Variants in DMTN observed in about 807,000 individuals in gnomAD.
DMTN encodes the protein dematin actin binding protein.
DMTN carries 27 observed loss-of-function variants against 59.4 expected under a neutral mutation model. The observed-to-expected ratio is 0.45, with a 90% CI of 0.33 to 0.63. The LOEUF (loss-of-function observed/expected upper bound fraction) is 0.63, where lower values mean the gene tolerates loss of function less well. DMTN is among the 20% of genes least tolerant of loss of function. The pLI is 0.02. For missense variants in DMTN, 451 were observed against 528.9 expected (o/e 0.85, Z 1.45); for synonymous variants, 221 against 203.7 (o/e 1.08, Z -0.72).
In DMTN at chr8:22,069,431, A is replaced by T. The variant is rs1813444493; in HGVS notation, c.307A>T (p.Ser103Cys). 6.2e-7 allele frequency: 1 copy of T among 1,612,846 alleles called. No homozygotes were observed. ...PPPSPEVWAD[S>C]RSPGIISQAS... ...TTCTGCTCTGCAGGTGTGGGCGGAC[A>T]GCCGGTCGCCTGGAATCATCTCTCA... The change falls in exon 6 of 16, where the codon AGC becomes TGC. Residue 103 changes from serine (S) to cysteine (C), a missense_variant. Transcript: ENST00000358242.
chr8:22,073,936 C>G, intron 10 of DMTN, 101 bp downstream of exon 10: 1 of 908,460 alleles, frequency 1.1e-6, no homozygotes. Flanking sequence ...AATCCCTGAC[C>G]CAAAGCACGG....
chr8:22,068,748 GAGGA>G (rs201407828), intron 4 of DMTN, among the ~76,000 whole-genome samples: 1,757 of 151,368 alleles, frequency 0.012, 26 homozygotes, highest in African/African-American at 0.04. Flanking sequence ...GGGGAGGAGA[GAGGA>G]AGGAAGGAAG....
rs1471882638 is a variant in DMTN at position 22,060,430 on chromosome 8, C to T, written c.-172+3294C>T. Among the ~76,000 whole-genome samples the T allele has an allele frequency of 6.6e-6, 1 of 151,874 alleles. No homozygotes were observed. The highest frequency in any genetic ancestry group is 2.4e-5 in the African/African-American group (1 of 41,232). On this transcript the variant is annotated intron_variant, in intron 1 of 15. Transcript: ENST00000358242. The surrounding 1 kb of genome is among the most constrained non-coding windows in gnomAD (Gnocchi z 5.0). ...TCTGTCTCGCTCTCTCTCTCTCTCTCTCCCCCTCACACATGCGCACGCACA... is the reference window on the plus strand; with the variant it reads ...TCTGTCTCGCTCTCTCTCTCTCTCTTTCCCCCTCACACATGCGCACGCACA...
chr8:22,061,695 G>A (rs1182584819), intron 1 of DMTN, among the ~76,000 whole-genome samples: 1 of 151,302 alleles, frequency 6.6e-6, no homozygotes, highest in Non-Finnish European at 1.5e-5. Flanking sequence ...TCCTCAGAGT[G>A]ACCCCTCCAA....
Position 22,067,540 on chromosome 8 carries a change from A to G in DMTN, c.107A>G (p.Asn36Ser). ...SPSSIVAKMDNQVLGYKDLAA... is the reference protein window; with the variant it reads ...SPSSIVAKMDSQVLGYKDLAA... The stretch of plus-strand genomic sequence containing the variant: ...CTTTCCCTTCAGGCCAAGATGGACA[A>G]TCAGGTGCTGGGCTACAAGGACCTG... The change falls in exon 4 of 16, where the codon AAT becomes AGT. Residue 36 changes from asparagine (N) to serine (S), a missense_variant. Transcript: ENST00000358242. 1 of 1,614,206 alleles carries G rather than the reference A, an allele frequency of 6.2e-7. No individual in the cohort carries two copies. The highest frequency in any genetic ancestry group is 8.5e-7 in the Non-Finnish European group (1 of 1,180,028).
intron 10 of DMTN, among the ~76,000 whole-genome samples, chr8:22,079,301 T>TATATATATATA (rs199745360): frequency 5.1e-4 from 43 of 84,794 alleles, no homozygotes; most frequent in African/African-American, 7.6e-4. Context: ...TATATATATA[T>TATATATATATA]TAGCTGGGTT....
At chr8:22,081,092 T>TGGGGGGGGGGGGGGGGGGGGGGG in intron 14 of DMTN, 21 bp from the exon 15 acceptor site, 93 of 1,547,216 alleles carry the variant, frequency 6.0e-5, no homozygotes, top group Non-Finnish European at 7.7e-5. Context: ...AGCCTAAGAT[T>TGGGGGGGGGGGGGGGGGGGGGGG]GCCCCTCCCC....
intron 1 of DMTN, among the ~76,000 whole-genome samples, chr8:22,063,594 A>G (rs1043203039): frequency 2.0e-5 from 3 of 152,066 alleles, no homozygotes; most frequent in African/African-American, 7.2e-5. Context: ...TGACCTCTCC[A>G]ATCCAGCCAT....
rs1223792745 is a variant in DMTN, at chr8:22,067,113, G to A, written c.47G>A (p.Ser16Asn). The A allele has an allele frequency of 6.2e-7, 1 of 1,606,560 alleles. No homozygotes were observed. The highest frequency in any genetic ancestry group is 1.3e-5 in the African/African-American group (1 of 74,214). ...CCACTTACCTCCCCCGGGAGCGTGA[G>A]CCCCTCCCGAGATTCCAGTGTGCCT... is the stretch of plus-strand genomic sequence containing the variant. ...KQPLTSPGSV[S>N]PSRDSSVPGS... is the part of the protein sequence containing the mutation. The change falls in exon 3 of 16, where the codon AGC becomes AAC. Residue 16 changes from serine (S) to asparagine (N), a missense_variant. By Grantham distance (46) the Ser-to-Asn change is conservative. Coordinates refer to ENST00000358242, the MANE Select transcript of DMTN (RefSeq NM_001387751.1).
At chr8:22,054,548 C>G (rs1801807841), upstream of DMTN, among the ~76,000 whole-genome samples, 1 of 134,578 alleles carries the variant, frequency 7.4e-6, no homozygotes, top group Non-Finnish European at 1.7e-5. Context: ...CTGTCCCTGC[C>G]TTGCTGCCTG....
In DMTN at chr8:22,059,675, G is replaced by A. The variant is rs531273977; in HGVS notation, c.-172+2539G>A. The stretch of plus-strand genomic sequence containing the variant: ...GCTTCATTTTTGCTCATCTCTAAAT[G>A]AGGAGAATGTCGTTTTGTGTGAGGT... On this transcript the variant is annotated intron_variant, in intron 1 of 15. Coordinates refer to ENST00000358242, the MANE Select transcript of DMTN (RefSeq NM_001387751.1). Among the ~76,000 whole-genome samples, 8 of 152,302 alleles carry A rather than the reference G, an allele frequency of 5.3e-5. No individual in the cohort carries two copies. In the East Asian group the frequency reaches 1.4e-3, roughly 26 times the overall value.
At chr8:22,073,215 G>A (rs1376415020) in intron 9 of DMTN, among the ~76,000 whole-genome samples, 1 of 152,206 alleles carries the variant, frequency 6.6e-6, no homozygotes, top group East Asian at 1.9e-4. Flanking sequence ...ACCCATTGTG[G>A]CCATGTGTCA....
At position 22,060,380 on chromosome 8, in the gene DMTN, G is replaced by T. The variant is rs958701130; in HGVS notation, c.-172+3244G>T. Reference sequence around the variant, plus strand: ...AGGGTGTGATTTGAGAGAAGCCAAGGAAACTCTCTCTCTCTTTCTCTCTTT... The same window carrying T: ...AGGGTGTGATTTGAGAGAAGCCAAGTAAACTCTCTCTCTCTTTCTCTCTTT... On this transcript the variant is annotated intron_variant, in intron 1 of 15. Coordinates refer to ENST00000358242, the MANE Select transcript of DMTN (RefSeq NM_001387751.1). This position sits in a 1 kb window ranked among gnomAD's most constrained non-coding sequence, Gnocchi z 5.0. Among the ~76,000 whole-genome samples the T allele has an allele frequency of 1.3e-5, 2 of 150,278 alleles. No homozygotes were observed. Among genetic ancestry groups the T allele is most frequent in the Non-Finnish European group, 2.9e-5 (2 of 67,880 alleles).
At chr8:22,072,258 G>A in intron 8 of DMTN, 68 bp from the exon 9 acceptor site, 1 of 1,526,930 alleles carries the variant, frequency 6.5e-7, no homozygotes, top group South Asian at 1.2e-5. Flanking sequence ...CACAGAGGCT[G>A]TGCCATGTAA....
intron 4 of DMTN, among the ~76,000 whole-genome samples, 153 bp downstream of exon 4, chr8:22,067,835 C>T (rs116467328): frequency 0.02 from 3,065 of 152,262 alleles, 93 homozygotes; most frequent in African/African-American, 0.064. Flanking sequence ...TCAGTCCATC[C>T]GGTGTTCAAG....
chr8:22,062,913 C>T (rs1807703931), intron 1 of DMTN, among the ~76,000 whole-genome samples: 1 of 151,302 alleles, frequency 6.6e-6, no homozygotes, highest in Non-Finnish European at 1.5e-5. Flanking sequence ...CCCCTGCGAG[C>T]TGCCATCTAG....
chr8:22,052,969 G>T (rs1468901926), upstream of DMTN, among the ~76,000 whole-genome samples: 1 of 152,188 alleles, frequency 6.6e-6, no homozygotes, highest in Non-Finnish European at 1.5e-5. Flanking sequence ...TGAGTTCTGG[G>T]GCAGGAGAGA....
chr8:22,068,641 AGAGG>A (rs1812695387), intron 4 of DMTN, among the ~76,000 whole-genome samples: 1 of 151,236 alleles, frequency 6.6e-6, no homozygotes, highest in South Asian at 2.1e-4. Context: ...GAGGAAGGAA[AGAGG>A]GAAGGAAGGG....
intron 12 of DMTN, 25 bp downstream of exon 12, chr8:22,080,485 G>A (rs774024837): frequency 1.2e-6 from 2 of 1,614,246 alleles, no homozygotes; most frequent in East Asian, 4.5e-5. Context: ...CTGGTGCCGG[G>A]GTCTGGAGAA....
Sources: allele counts gnomAD v4.1 joint callset (sites outside exome capture counted in the v4.1 genomes callset), GRCh38; gene constraint gnomAD v4.1.1; non-coding constraint Gnocchi (gnomAD v3.1); transcripts MANE v1.5; gene names NCBI Gene and HGNC (gene_info 2026-07-23, HGNC 2026-07-21).